RNGTT: variants seen among roughly 807,000 people sequenced by gnomAD.
The protein encoded by RNGTT is RNA guanylyltransferase and 5'-phosphatase.
A neutral mutation model predicts 79.3 loss-of-function variants in RNGTT; 33 were observed. The observed-to-expected ratio is 0.42, with a 90% CI of 0.32 to 0.56. The LOEUF (loss-of-function observed/expected upper bound fraction) is 0.56. RNGTT is among the 20% of genes least tolerant of loss of function. The pLI is 0.17. For synonymous variants in RNGTT, 222 were observed against 235.9 expected (o/e 0.94, Z 0.54); for missense variants, 497 against 739.1 (o/e 0.67, Z 3.80).
At chr6:88,882,597 T>C (rs543576032) in intron 8 of RNGTT, among the ~76,000 whole-genome samples, 1 of 152,300 alleles carries the variant, frequency 6.6e-6, no homozygotes, top group South Asian at 2.1e-4. Flanking sequence ...TATAACCAAG[T>C]GCTACGGTTT....
intron 14 of RNGTT, among the ~76,000 whole-genome samples, chr6:88,622,172 T>C (rs1772464356): frequency 6.6e-6 from 1 of 152,182 alleles, no homozygotes; most frequent in African/African-American, 2.4e-5. Flanking sequence ...TGTAATTTTG[T>C]CTTTTGACAA....
At chr6:88,858,693 G>A (rs1013912140) in intron 8 of RNGTT, among the ~76,000 whole-genome samples, 5 of 152,258 alleles carry the variant, frequency 3.3e-5, no homozygotes, top group Admixed American at 6.5e-5. Flanking sequence ...CTGACACAAC[G>A]GCAACGCTGA....
At chr6:88,821,388 T>C (rs553795377) in intron 11 of RNGTT, among the ~76,000 whole-genome samples, 26 of 152,268 alleles carry the variant, frequency 1.7e-4, no homozygotes, top group Admixed American at 7.2e-4. Flanking sequence ...GCATATGTTT[T>C]ACATTCTCAA....
chr6:88,894,858 A>C (rs894871843), intron 6 of RNGTT, among the ~76,000 whole-genome samples: 2 of 152,124 alleles, frequency 1.3e-5, no homozygotes, highest in Non-Finnish European at 2.9e-5. Flanking sequence ...CTTGAGCCCC[A>C]GAGTTCAAGA....
At chr6:88,768,139 A>AGTGTGTGT (rs71021394) in intron 13 of RNGTT, among the ~76,000 whole-genome samples, 2,871 of 148,888 alleles carry the variant, frequency 0.019, 31 homozygotes, top group Middle Eastern at 0.028. Context: ...ATTTAGGGAT[A>AGTGTGTGT]GTGTGTGTGT....
Position 88,891,877 on chromosome 6 carries a change from TACACCTTTAACAGTA to T in RNGTT, c.708_722del (p.Val238_Thr242del). 1.2e-6 allele frequency: 2 copies of T among 1,603,038 alleles called. No individual in the cohort carries two copies. Among genetic ancestry groups the T allele is most frequent in the Non-Finnish European group, 1.7e-6 (2 of 1,174,692 alleles). Reference sequence around the variant, plus strand: ...ACTTTGGTTGTGTTGTTACTTGAGTTACACCTTTAACAGTAACACCTTCCAAGAAAATAGCGCCCT... The same window carrying T: ...ACTTTGGTTGTGTTGTTACTTGAGTTACACCTTCCAAGAAAATAGCGCCCT... On this transcript the variant is annotated inframe_deletion, in exon 7 of 16. Coordinates refer to ENST00000369485, the MANE Select transcript of RNGTT (RefSeq NM_003800.5).
chr6:88,750,940 A>T (rs73496484), intron 13 of RNGTT, among the ~76,000 whole-genome samples: 3,543 of 152,220 alleles, frequency 0.023, 156 homozygotes, highest in African/African-American at 0.079. Flanking sequence ...GCACAGTAAT[A>T]GTTATTTATA....
chr6:88,801,570 A>T lies in RNGTT; in HGVS notation c.1332T>A (p.Pro444=). ...CACAGACAAATGAACTTACTCCAGT[A>T]GGCTGAAAAATAAGTCCATCCATTT... ...SHEMDGLIFQ[P]TGKYKPGRCD... The change falls in exon 12 of 16, where the codon CCT becomes CCA. Residue 444 remains proline (P), a synonymous_variant. Transcript: ENST00000369485. The T allele has an allele frequency of 6.2e-7, 1 of 1,611,534 alleles. No individual in the cohort carries two copies. Among genetic ancestry groups the T allele is most frequent in the Non-Finnish European group, 8.5e-7 (1 of 1,178,472 alleles).
intron 8 of RNGTT, among the ~76,000 whole-genome samples, chr6:88,880,249 A>G (rs760482275): frequency 2.0e-5 from 3 of 152,164 alleles, no homozygotes; most frequent in Non-Finnish European, 2.9e-5. Context: ...GGAGGGAGGA[A>G]ATTCCCAGAC....
At chr6:88,903,664 T>TA (rs1280266877) in intron 6 of RNGTT, among the ~76,000 whole-genome samples, 5 of 152,224 alleles carry the variant, frequency 3.3e-5, no homozygotes, top group Non-Finnish European at 7.3e-5. Context: ...AAAAATAACT[T>TA]ACATGGTTTA....
At chr6:88,660,503 G>A (rs1774141493) in intron 14 of RNGTT, among the ~76,000 whole-genome samples, 1 of 148,416 alleles carries the variant, frequency 6.7e-6, no homozygotes, top group Non-Finnish European at 1.5e-5. Flanking sequence ...GTGAGCAGGA[G>A]TGGCTATTCT....
At chr6:88,647,040 A>G (rs1345231272) in intron 14 of RNGTT, among the ~76,000 whole-genome samples, 2 of 132,660 alleles carry the variant, frequency 1.5e-5, no homozygotes, top group East Asian at 3.9e-4. Flanking sequence ...ATATATGAAA[A>G]TAAAGTAAAT....
At chr6:88,709,323 A>T (rs1016920873) in intron 13 of RNGTT, among the ~76,000 whole-genome samples, 2 of 150,880 alleles carry the variant, frequency 1.3e-5, no homozygotes, top group African/African-American at 4.9e-5. Flanking sequence ...AAAAAGGAGG[A>T]TTAAGAAAAG....
chr6:88,812,137 T>C (rs1450146499), intron 11 of RNGTT, among the ~76,000 whole-genome samples: 1 of 152,216 alleles, frequency 6.6e-6, no homozygotes, highest in East Asian at 1.9e-4. Context: ...TGATTGCCAC[T>C]ATTTACCAAT....
rs117904079 is a variant in RNGTT, at chr6:88,868,427, C to T, written c.897-14663G>A. On this transcript the variant is annotated intron_variant, in intron 8 of 15. Coordinates refer to ENST00000369485, the MANE Select transcript of RNGTT (RefSeq NM_003800.5). ...TAACAATTTTCTCATAAGCACCTAA[C>T]TGCCTTAACTGTAAGAGCTTACAAA... Among the ~76,000 whole-genome samples the T allele has an allele frequency of 4.5e-4, 68 of 152,314 alleles. No homozygotes were observed. The East Asian group carries it at 0.013, about 29-fold the overall frequency.
intron 14 of RNGTT, among the ~76,000 whole-genome samples, chr6:88,616,812 G>A (rs1242201543): frequency 6.6e-6 from 1 of 152,152 alleles, no homozygotes. Context: ...TGTACAATTT[G>A]CAATTATTTT....
chr6:88,809,158 TACTG>T (rs1780054967), intron 11 of RNGTT, among the ~76,000 whole-genome samples: 1 of 151,978 alleles, frequency 6.6e-6, no homozygotes, highest in Non-Finnish European at 1.5e-5. Context: ...AAACAATACA[TACTG>T]ACAAAGGGGG....
intron 14 of RNGTT, among the ~76,000 whole-genome samples, chr6:88,638,542 T>C (rs1773185614): frequency 1.3e-5 from 2 of 152,182 alleles, no homozygotes; most frequent in Non-Finnish European, 2.9e-5. Context: ...ATAAGTTCAA[T>C]GTTCTACCTA....
At chr6:88,846,920 C>A (rs964203179) in intron 10 of RNGTT, among the ~76,000 whole-genome samples, 1 of 152,070 alleles carries the variant, frequency 6.6e-6, no homozygotes, top group African/African-American at 2.4e-5. Context: ...CTCTCTAATA[C>A]CACTATATCT....
Sources: gnomAD v4.1 joint callset for allele counts (sites outside exome capture counted in the v4.1 genomes callset) on GRCh38, gnomAD v4.1.1 for gene constraint, MANE v1.5 for transcripts, NCBI Gene and HGNC (gene_info 2026-07-23, HGNC 2026-07-21) for gene names.